The following PDE3B variants were observed in gnomAD, a reference collection of about 807,000 sequenced individuals.
The protein encoded by PDE3B is cGMP-inhibited 3',5'-cyclic phosphodiesterase 3B.
Under a neutral mutation model 116.8 loss-of-function variants are expected in PDE3B, and 66 were observed. That is an observed-to-expected ratio of 0.56 (90% CI 0.46 to 0.69). The LOEUF is 0.69. Ranked by LOEUF, PDE3B falls within the 30% of genes least tolerant of loss-of-function variation. The pLI is 0.00. For synonymous variants in PDE3B, 595 were observed against 533.6 expected, an observed-to-expected ratio of 1.12 and a Z score of -1.59; for missense variants, 1,384 against 1,368.1, an observed-to-expected ratio of 1.01 and a Z score of -0.18.
chr11:14,787,417 A>G (rs1048253499), intron 3 of PDE3B, among the ~76,000 whole-genome samples: 1 of 151,992 alleles, frequency 6.6e-6, no homozygotes, highest in Non-Finnish European at 1.5e-5. Context: ...CAGATAAGGA[A>G]ACTAACCAAG....
intron 14 of PDE3B, 42 bp from the exon 15 acceptor site, chr11:14,867,464 T>C (rs1848068281): frequency 6.3e-7 from 1 of 1,580,966 alleles, no homozygotes; most frequent in South Asian, 1.2e-5. Flanking sequence ...GTGGTGGTTC[T>C]TTCACCAGTT....
At chr11:14,651,422 G>A (rs936184927) in intron 1 of PDE3B, among the ~76,000 whole-genome samples, 15 of 152,012 alleles carry the variant, frequency 9.9e-5, no homozygotes, top group Non-Finnish European at 2.1e-4. Context: ...ATATTTTTTT[G>A]GGGCGATACA....
At chr11:14,788,766 T>A (rs1858291286) in intron 3 of PDE3B, among the ~76,000 whole-genome samples, 1 of 151,990 alleles carries the variant, frequency 6.6e-6, no homozygotes, top group Non-Finnish European at 1.5e-5. Flanking sequence ...ATCCTAAGAT[T>A]GTCCTCTGAA....
At chr11:14,724,218 G>C (rs890100972) in intron 1 of PDE3B, among the ~76,000 whole-genome samples, 1 of 152,138 alleles carries the variant, frequency 6.6e-6, no homozygotes, top group African/African-American at 2.4e-5. Context: ...CAGGGGGTTG[G>C]GGAGAAGGCA....
intron 1 of PDE3B, among the ~76,000 whole-genome samples, chr11:14,744,360 AT>A (rs1278458988): frequency 6.6e-6 from 1 of 152,050 alleles, no homozygotes; most frequent in Non-Finnish European, 1.5e-5. Flanking sequence ...ATTGCATTGC[AT>A]TTTTAGTTTG....
chr11:14,747,346 T>G (rs187443664), intron 1 of PDE3B, among the ~76,000 whole-genome samples: 1 of 152,252 alleles, frequency 6.6e-6, no homozygotes. Context: ...TACAGAATCA[T>G]AGTATTGTAA....
At chr11:14,794,998 T>G (rs902407948) in intron 4 of PDE3B, among the ~76,000 whole-genome samples, 4 of 152,184 alleles carry the variant, frequency 2.6e-5, no homozygotes, top group Non-Finnish European at 4.4e-5. Flanking sequence ...TTGTTCACTT[T>G]CCTGGAAGCC....
At chr11:14,668,392 CTTA>C (rs1277354207) in intron 1 of PDE3B, among the ~76,000 whole-genome samples, 1 of 151,996 alleles carries the variant, frequency 6.6e-6, no homozygotes, top group Admixed American at 6.6e-5. Context: ...AATACCTCAC[CTTA>C]TTATTCATCA....
chr11:14,847,727 A>G (rs537624957), intron 12 of PDE3B, among the ~76,000 whole-genome samples: 108 of 152,358 alleles, frequency 7.1e-4, no homozygotes, highest in African/African-American at 2.6e-3. Context: ...CAAATAAACT[A>G]GAAAATCTAG....
intron 1 of PDE3B, among the ~76,000 whole-genome samples, chr11:14,752,705 T>G (rs116877755): frequency 0.015 from 2,210 of 152,242 alleles, 24 homozygotes; most frequent in Middle Eastern, 0.034. Flanking sequence ...ACATGGTCAC[T>G]CCTTGCATTT....
At chr11:14,810,016 T>C (rs188022664) in intron 5 of PDE3B, among the ~76,000 whole-genome samples, 1 of 152,264 alleles carries the variant, frequency 6.6e-6, no homozygotes, top group Admixed American at 6.5e-5. Context: ...CCATCTTACA[T>C]ATTATATACA....
At chr11:14,819,106 C>T (rs765240138) in intron 6 of PDE3B, 30 bp from the exon 7 acceptor site, 18 of 1,334,188 alleles carry the variant, frequency 1.3e-5, no homozygotes, top group South Asian at 5.2e-5. Context: ...CCTCATTTAC[C>T]GTATATATTT....
intron 1 of PDE3B, among the ~76,000 whole-genome samples, chr11:14,753,083 C>T (rs192327669): frequency 2.0e-5 from 3 of 152,074 alleles, no homozygotes; most frequent in Admixed American, 2.0e-4. Context: ...CCTGTTTTTC[C>T]CCTTTGTTTC....
chr11:14,654,043 A>G (rs189665891), intron 1 of PDE3B, among the ~76,000 whole-genome samples: 16 of 152,208 alleles, frequency 1.1e-4, no homozygotes, highest in Admixed American at 9.2e-4. Context: ...ACAAAGTTAT[A>G]TAGGTCAGAA....
chr11:14,795,881 T>C (rs2133925751), intron 4 of PDE3B, among the ~76,000 whole-genome samples: 1 of 152,292 alleles, frequency 6.6e-6, no homozygotes, highest in South Asian at 2.1e-4. Context: ...CTTATTATTA[T>C]TATTATCATT....
chr11:14,868,437 G>T (rs3758763), intron 15 of PDE3B, among the ~76,000 whole-genome samples: 2 of 152,160 alleles, frequency 1.3e-5, no homozygotes, highest in African/African-American at 2.4e-5. Flanking sequence ...AAAACAGTGG[G>T]GGGGAGGGGG....
At chr11:14,877,510 G>A in the PDE3B span, 1 of 152,040 alleles carries the variant, frequency 6.6e-6, no homozygotes, top group South Asian at 2.1e-4. Context: ...GACACTCAGG[G>A]TCACACAGAC....
At chr11:14,891,067 A>C in the PDE3B span, 1 of 985,322 alleles carries the variant, frequency 1.0e-6, no homozygotes, top group African/African-American at 1.7e-5. Flanking sequence ...GTTGCATATA[A>C]ATAAGTGTAA....
chr11:14,831,567 G>C, intron 8 of PDE3B, 73 bp from the exon 9 acceptor site: 1 of 900,006 alleles, frequency 1.1e-6, no homozygotes, highest in Non-Finnish European at 1.6e-6. Context: ...AATCCTAAGT[G>C]TTCTCATTGT....
Sources: gnomAD v4.1 joint callset for allele counts (sites outside exome capture counted in the v4.1 genomes callset) on GRCh38, gnomAD v4.1.1 for gene constraint, MANE v1.5 for transcripts, NCBI Gene and HGNC (gene_info 2026-07-23, HGNC 2026-07-21) for gene names.